The following BMPR1B variants were observed in gnomAD, a reference collection of about 807,000 sequenced individuals.
BMPR1B encodes bone morphogenetic protein receptor type-1B.
A neutral mutation model predicts 59.1 loss-of-function variants in BMPR1B; 12 were observed. That is an observed-to-expected ratio of 0.20 (90% CI 0.13 to 0.33). The LOEUF is 0.33. BMPR1B is among the 10% of genes least tolerant of loss of function. The pLI is 1.00. For synonymous variants in BMPR1B, 237 were observed against 207.3 expected (o/e 1.14, Z -1.23); for missense variants, 550 against 610.9 (o/e 0.90, Z 1.05).
intron 1 of BMPR1B, among the ~76,000 whole-genome samples, chr4:94,796,123 C>T (rs1723183839): frequency 6.6e-6 from 1 of 151,834 alleles, no homozygotes; most frequent in Non-Finnish European, 1.5e-5. Context: ...CCGCACCATG[C>T]CCAGCTACTT....
At chr4:94,944,428 A>G (rs955948939) in intron 2 of BMPR1B, among the ~76,000 whole-genome samples, 4 of 152,216 alleles carry the variant, frequency 2.6e-5, no homozygotes, top group Non-Finnish European at 5.9e-5. Context: ...TAGTGGTAGC[A>G]GATTTTAAAT....
chr4:94,829,654 T>A (rs1364037341), intron 1 of BMPR1B, among the ~76,000 whole-genome samples: 1 of 152,128 alleles, frequency 6.6e-6, no homozygotes, highest in Admixed American at 6.5e-5. Context: ...AGGAGCACAG[T>A]GCTGATCCTC....
At chr4:94,758,452 C>T (rs886985515) in intron 1 of BMPR1B, among the ~76,000 whole-genome samples, 4 of 151,974 alleles carry the variant, frequency 2.6e-5, no homozygotes, top group Middle Eastern at 3.4e-3. Context: ...GGAGTCGGAC[C>T]TGCGAGCGGA....
At chr4:94,880,919 A>T (rs963565803) in intron 2 of BMPR1B, among the ~76,000 whole-genome samples, 1 of 152,160 alleles carries the variant, frequency 6.6e-6, no homozygotes, top group Non-Finnish European at 1.5e-5. Flanking sequence ...TATAGGACTG[A>T]GCCACTGGGT....
intron 4 of BMPR1B, among the ~76,000 whole-genome samples, chr4:95,109,329 T>A (rs1309748600): frequency 6.6e-6 from 1 of 152,056 alleles, no homozygotes; most frequent in Non-Finnish European, 1.5e-5. Context: ...AATGAGGAAT[T>A]AGATAAGCCT....
intron 10 of BMPR1B, among the ~76,000 whole-genome samples, chr4:95,145,389 G>A (rs1264991312): frequency 1.3e-5 from 2 of 152,120 alleles, no homozygotes; most frequent in Non-Finnish European, 2.9e-5. Flanking sequence ...GCCCTCTGTG[G>A]ACAAGGAGGC....
chr4:94,824,083 G>T (rs1159597857), intron 1 of BMPR1B, among the ~76,000 whole-genome samples: 1 of 152,014 alleles, frequency 6.6e-6, no homozygotes, highest in Non-Finnish European at 1.5e-5. Context: ...AGCCTTATTT[G>T]GTGTTTAAAT....
intron 3 of BMPR1B, among the ~76,000 whole-genome samples, chr4:95,011,316 T>C (rs372447335): frequency 2.6e-5 from 4 of 152,294 alleles, no homozygotes; most frequent in African/African-American, 9.6e-5. Flanking sequence ...AGTGAGAACA[T>C]ACAGTATTTG....
chr4:94,763,374 A>G (rs1274159100), intron 1 of BMPR1B, among the ~76,000 whole-genome samples: 1 of 152,222 alleles, frequency 6.6e-6, no homozygotes, highest in Non-Finnish European at 1.5e-5. Flanking sequence ...AGGACATAGT[A>G]GGCATTCAGT....
chr4:94,888,473 A>G (rs1727266785), intron 2 of BMPR1B, among the ~76,000 whole-genome samples: 1 of 152,112 alleles, frequency 6.6e-6, no homozygotes, highest in Non-Finnish European at 1.5e-5. Flanking sequence ...TAATAGCATG[A>G]ATAATAACAA....
intron 2 of BMPR1B, among the ~76,000 whole-genome samples, chr4:94,906,972 G>A (rs180741603): frequency 2.0e-5 from 3 of 151,952 alleles, no homozygotes; most frequent in African/African-American, 7.2e-5. Context: ...CTCTCTGTAG[G>A]GATTATTCTT....
intron 1 of BMPR1B, among the ~76,000 whole-genome samples, chr4:94,790,524 G>A (rs928689351): frequency 2.0e-5 from 3 of 152,066 alleles, no homozygotes; most frequent in African/African-American, 7.2e-5. Context: ...CTTTTCCCCG[G>A]CGTTCTCAGC....
intron 3 of BMPR1B, among the ~76,000 whole-genome samples, chr4:95,002,862 A>G (rs1301322395): frequency 1.3e-5 from 2 of 152,272 alleles, no homozygotes; most frequent in Admixed American, 6.5e-5. Flanking sequence ...GGAAAGTGAT[A>G]TTTAATTTAC....
intron 4 of BMPR1B, among the ~76,000 whole-genome samples, chr4:95,109,888 G>A (rs1731505683): frequency 7.7e-6 from 1 of 130,502 alleles, no homozygotes; most frequent in Admixed American, 9.2e-5. Flanking sequence ...AGTCCCCGGT[G>A]TGTGATGTTC....
chr4:94,814,724 A>G (rs533781739), intron 1 of BMPR1B, among the ~76,000 whole-genome samples: 8 of 152,330 alleles, frequency 5.3e-5, no homozygotes, highest in East Asian at 1.9e-4. Context: ...AACGTTTGCT[A>G]TGTGTCAAAA....
At chr4:95,104,073 G>C (rs1234056905) in intron 3 of BMPR1B, among the ~76,000 whole-genome samples, 4 of 151,950 alleles carry the variant, frequency 2.6e-5, no homozygotes, top group African/African-American at 9.7e-5. Flanking sequence ...GAGAAATGAG[G>C]ATGATAGTGT....
At chr4:94,831,422 A>G (rs543402735) in intron 1 of BMPR1B, among the ~76,000 whole-genome samples, 4 of 152,318 alleles carry the variant, frequency 2.6e-5, no homozygotes, top group African/African-American at 9.6e-5. Flanking sequence ...AAAAATATTT[A>G]TAACATAGAT....
intron 3 of BMPR1B, among the ~76,000 whole-genome samples, chr4:95,063,915 G>A (rs1727603263): frequency 6.6e-6 from 1 of 152,032 alleles, no homozygotes; most frequent in Non-Finnish European, 1.5e-5. Context: ...ATAGAGAATT[G>A]CAAGTTAAAA....
At chr4:94,790,123 TG>T (rs1461227770) in intron 1 of BMPR1B, among the ~76,000 whole-genome samples, 2 of 152,180 alleles carry the variant, frequency 1.3e-5, no homozygotes, top group Admixed American at 6.6e-5. Context: ...TTGACTGTAT[TG>T]GTAAGGTTTC....
Sources: gnomAD v4.1 joint callset for allele counts (sites outside exome capture counted in the v4.1 genomes callset) on GRCh38, gnomAD v4.1.1 for gene constraint, MANE v1.5 for transcripts, NCBI Gene and HGNC (gene_info 2026-07-23, HGNC 2026-07-21) for gene names.